The following DPYSL2 variants were observed in gnomAD, a reference collection of about 807,000 sequenced individuals.
DPYSL2 encodes dihydropyrimidinase-related protein 2.
In DPYSL2, 13 loss-of-function variants were observed where a neutral mutation model predicts 69.9. The ratio of observed to expected loss-of-function variants is 0.19; its 90% CI spans 0.12 to 0.30. The LOEUF (loss-of-function observed/expected upper bound fraction) is 0.30, where lower values mean the gene tolerates loss of function less well. Ranked by LOEUF, DPYSL2 falls within the 10% of genes least tolerant of loss-of-function variation. The probability of loss-of-function intolerance (pLI) is 1.00; values close to 1 mark genes in which losing one functional copy is unlikely to be tolerated. For synonymous variants in DPYSL2, 326 were observed against 359.1 expected (o/e 0.91, Z 1.04); for missense variants, 587 against 918.9 (o/e 0.64, Z 4.67).
chr8:26,653,499 TG>T lies in DPYSL2; in HGVS notation c.1942+103del. The T allele has an allele frequency of 8.6e-7, 1 of 1,157,458 alleles. No homozygotes were observed. The highest frequency in any genetic ancestry group is 1.2e-6 in the Non-Finnish European group (1 of 811,394). The allele number at this position is 1,157,458 out of a possible 1,614,324, so 71.7% of individuals were successfully genotyped here. On this transcript the variant is annotated intron_variant, in intron 13 of 13. Coordinates refer to ENST00000521913, the MANE Select transcript of DPYSL2 (RefSeq NM_001197293.3). This position sits in a 1 kb window ranked among gnomAD's most constrained non-coding sequence, Gnocchi z 5.7. ...GAAAGGACACAGAAATAGAAGTGAATGATATTCCCTTTCTCTCCAACGTGAG... is the reference window on the plus strand; with the variant it reads ...GAAAGGACACAGAAATAGAAGTGAATATATTCCCTTTCTCTCCAACGTGAG...
intron 1 of DPYSL2, among the ~76,000 whole-genome samples, chr8:26,573,058 C>T (rs763795486): frequency 1.3e-5 from 2 of 152,186 alleles, no homozygotes; most frequent in Non-Finnish European, 2.9e-5. Context: ...GTGCTGTCTC[C>T]GTGTTCTACC....
At chr8:26,567,164 CCA>C (rs1271505229) in intron 1 of DPYSL2, among the ~76,000 whole-genome samples, 2 of 149,794 alleles carry the variant, frequency 1.3e-5, no homozygotes, top group Non-Finnish European at 3.0e-5. Flanking sequence ...GCCCATCCAT[CCA>C]TCCATCCATC....
At chr8:26,608,879 G>A (rs1802165097) in intron 3 of DPYSL2, among the ~76,000 whole-genome samples, 1 of 152,192 alleles carries the variant, frequency 6.6e-6, no homozygotes, top group African/African-American at 2.4e-5. Flanking sequence ...TGACATCACC[G>A]ACTTTTCCTT....
rs56080102 is a variant in DPYSL2, at chr8:26,537,611, T to TACACACACACACACACACACACACACAC, written c.354+22955_354+22956insCACACACACACACACACACACACACACA. ...ATTGACCTTACTATCATTCTCTCTCTACACACACACACACACACACACAAC... is the reference window on the plus strand; with the variant it reads ...ATTGACCTTACTATCATTCTCTCTCTACACACACACACACACACACACACACACACACACACACACACACACACACAAC... On this transcript the variant is annotated intron_variant, in intron 1 of 13. Transcript: ENST00000521913. 1.6e-3 allele frequency among the ~76,000 whole-genome samples: 242 copies of TACACACACACACACACACACACACACAC among 147,650 alleles called. 2 individuals carry two copies. The highest frequency in any genetic ancestry group is 5.2e-3 in the African/African-American group (209 of 40,234).
rs1554534410 is a variant in DPYSL2 at position 26,549,226 on chromosome 8, A to AATCATC, written c.355-32739_355-32738insTCATCA. ...TAATAATAATAATAATAATAATAAT[A>AATCATC]ATCAAAAGGATATGCTAGAAATAAA... is the stretch of plus-strand genomic sequence containing the variant. On this transcript the variant is annotated intron_variant, in intron 1 of 13. Coordinates refer to ENST00000521913, the MANE Select transcript of DPYSL2 (RefSeq NM_001197293.3). Among the ~76,000 whole-genome samples, 717 of 145,474 alleles carry AATCATC rather than the reference A, an allele frequency of 4.9e-3. 10 individuals carry two copies. The highest frequency in any genetic ancestry group is 0.016 in the African/African-American group (656 of 40,790).
chr8:26,568,829 T>C (rs534694448), intron 1 of DPYSL2, among the ~76,000 whole-genome samples: 2 of 152,314 alleles, frequency 1.3e-5, no homozygotes, highest in Non-Finnish European at 2.9e-5. Flanking sequence ...TCTGCGGTAT[T>C]TTCTGGCTGT....
intron 7 of DPYSL2, among the ~76,000 whole-genome samples, chr8:26,629,258 A>G (rs2129922075): frequency 6.6e-6 from 1 of 152,224 alleles, no homozygotes; most frequent in African/African-American, 2.4e-5. Context: ...ACACATAGTA[A>G]CACACACAGA....
chr8:26,567,327 T>G, intron 1 of DPYSL2, among the ~76,000 whole-genome samples: 1 of 109,312 alleles, frequency 9.1e-6, no homozygotes. Flanking sequence ...TATTCATCCA[T>G]CCATATGAAC....
At chr8:26,542,426 A>T (rs7837507) in intron 1 of DPYSL2, among the ~76,000 whole-genome samples, 9,663 of 149,246 alleles carry the variant, frequency 0.065, 383 homozygotes, top group South Asian at 0.21. Flanking sequence ...TATTAAAAAA[A>T]TTTTTTTTTT....
rs1335688399 is a variant in DPYSL2, at chr8:26,564,415, G to C, written c.355-17554G>C. Among the ~76,000 whole-genome samples, 1 of 152,192 alleles carries C rather than the reference G, an allele frequency of 6.6e-6. No individual in the cohort carries two copies. Among genetic ancestry groups the C allele is most frequent in the Admixed American group, 6.5e-5 (1 of 15,282 alleles). On this transcript the variant is annotated intron_variant, in intron 1 of 13. Transcript: ENST00000521913. The surrounding 1 kb of genome is among the most constrained non-coding windows in gnomAD (Gnocchi z 4.8). Reference sequence around the variant, plus strand: ...TCCAAGCTCAAGGGACTGAGAGGTGGAGAGGAAGACTTTGAGATTTGGGAG... The same window carrying C: ...TCCAAGCTCAAGGGACTGAGAGGTGCAGAGGAAGACTTTGAGATTTGGGAG...
chr8:26,548,860 AGAGT>A (rs1335780951), intron 1 of DPYSL2, among the ~76,000 whole-genome samples: 3 of 152,054 alleles, frequency 2.0e-5, no homozygotes, highest in Non-Finnish European at 4.4e-5. Context: ...CCTGGGTGAC[AGAGT>A]GAGACCTCAT....
rs1053587534 is a variant in DPYSL2, at chr8:26,654,506, A to G, written c.1942+1109A>G. ...GGATTACCAGTTTTCAAAACATTTA[A>G]AAATAAGGAACTTTACTTTGTTGTA... On this transcript the variant is annotated intron_variant, in intron 13 of 13. Coordinates refer to ENST00000521913, the MANE Select transcript of DPYSL2 (RefSeq NM_001197293.3). This position sits in a 1 kb window ranked among gnomAD's most constrained non-coding sequence, Gnocchi z 5.0. Among the ~76,000 whole-genome samples, 3 of 152,174 alleles carry G rather than the reference A, an allele frequency of 2.0e-5. No individual in the cohort carries two copies. The highest frequency in any genetic ancestry group is 7.2e-5 in the African/African-American group (3 of 41,438).
In DPYSL2 at chr8:26,514,445, G is replaced by C; in HGVS notation, c.120G>C (p.Pro40=). The change falls in exon 1 of 14, where the codon CCG becomes CCC. Residue 40 remains proline, a synonymous_variant. Coordinates refer to ENST00000521913, the MANE Select transcript of DPYSL2 (RefSeq NM_001197293.3). This position sits in a 1 kb window ranked among gnomAD's most constrained non-coding sequence, Gnocchi z 8.4. ...PRQKFCGMFC[P]VEGSSENKTI... ...AGAAATTCTGTGGCATGTTCTGCCCGGTGGAAGGGTCCTCGGAGAACAAGA... is the reference window on the plus strand; with the variant it reads ...AGAAATTCTGTGGCATGTTCTGCCCCGTGGAAGGGTCCTCGGAGAACAAGA... 1 of 1,527,498 alleles carries C rather than the reference G, an allele frequency of 6.5e-7. No homozygotes were observed. Among genetic ancestry groups the C allele is most frequent in the South Asian group, 1.2e-5 (1 of 82,330 alleles). 94.6% of individuals were successfully genotyped at this position (1,527,498 alleles called of 1,614,324 possible).
In DPYSL2 at chr8:26,654,988, T is replaced by G. The variant is rs2130004275; in HGVS notation, c.1943-627T>G. ...TCCCCAGTAGCTGGTACTACAGGCT[T>G]GCACCATCACGCCTGGCTAATTTTT... On this transcript the variant is annotated intron_variant, in intron 13 of 13. Transcript: ENST00000521913. This position sits in a 1 kb window ranked among gnomAD's most constrained non-coding sequence, Gnocchi z 5.0. Among the ~76,000 whole-genome samples the G allele has an allele frequency of 6.6e-6, 1 of 152,028 alleles. No individual in the cohort carries two copies. Among genetic ancestry groups the G allele is most frequent in the African/African-American group, 2.4e-5 (1 of 41,476 alleles).
chr8:26,616,006 A>G (rs184145280), intron 3 of DPYSL2, among the ~76,000 whole-genome samples: 400 of 152,284 alleles, frequency 2.6e-3, no homozygotes, highest in Non-Finnish European at 5.0e-3. Context: ...TATGTAGCAG[A>G]TGCTCTTCAA....
chr8:26,520,054 T>C (rs895745311), intron 1 of DPYSL2, among the ~76,000 whole-genome samples: 1 of 152,234 alleles, frequency 6.6e-6, no homozygotes, highest in Non-Finnish European at 1.5e-5. Context: ...AATTGAATTG[T>C]TGGGGTGGTT....
chr8:26,555,006 A>G (rs570537056), intron 1 of DPYSL2, among the ~76,000 whole-genome samples: 2 of 152,322 alleles, frequency 1.3e-5, no homozygotes, highest in African/African-American at 4.8e-5. Context: ...ACGCTAAAGA[A>G]GAAAAAAAGA....
chr8:26,591,300 G>A lies in DPYSL2; in HGVS notation c.628+7317G>A, dbSNP rs923446229. Among the ~76,000 whole-genome samples, 13 of 152,204 alleles carry A rather than the reference G, an allele frequency of 8.5e-5. No homozygotes were observed. The highest frequency in any genetic ancestry group is 2.7e-4 in the African/African-American group (11 of 41,456). On this transcript the variant is annotated intron_variant, in intron 3 of 13. Coordinates refer to ENST00000521913, the MANE Select transcript of DPYSL2 (RefSeq NM_001197293.3). This position sits in a 1 kb window ranked among gnomAD's most constrained non-coding sequence, Gnocchi z 5.8. Reference sequence around the variant, plus strand: ...GAGTGGAGGTGGGGCCCATGGGAATGCTAGGCTCCAGCAAGTTCTGCCTGA... The same window carrying A: ...GAGTGGAGGTGGGGCCCATGGGAATACTAGGCTCCAGCAAGTTCTGCCTGA...
chr8:26,546,844 C>T (rs959831152), intron 1 of DPYSL2, among the ~76,000 whole-genome samples: 2 of 133,534 alleles, frequency 1.5e-5, no homozygotes, highest in African/African-American at 5.5e-5. Flanking sequence ...TGGCGTGAAC[C>T]CGAGAGGCGG....
Sources: gnomAD v4.1 joint callset for allele counts (sites outside exome capture counted in the v4.1 genomes callset) on GRCh38, gnomAD v4.1.1 for gene constraint, Gnocchi (gnomAD v3.1) non-coding constraint, MANE v1.5 for transcripts, NCBI Gene and HGNC (gene_info 2026-07-23, HGNC 2026-07-21) for gene names.